The following KLRG1 variants were observed in gnomAD, a reference collection of about 807,000 sequenced individuals.
KLRG1 encodes killer cell lectin-like receptor subfamily G member 1.
In KLRG1, 16 loss-of-function variants were observed where a neutral mutation model predicts 21.8. The ratio of observed to expected loss-of-function variants is 0.73; its 90% CI spans 0.50 to 1.11. The LOEUF (loss-of-function observed/expected upper bound fraction) is 1.11, where lower values mean the gene tolerates loss of function less well. KLRG1 is among the 50% of genes most tolerant of loss of function. KLRG1 has a pLI of 0.00. For synonymous variants in KLRG1, 69 were observed against 75.9 expected (o/e 0.91, Z 0.47); for missense variants, 173 against 218.3 (o/e 0.79, Z 1.31).
At chr12:8,952,127 T>A (rs1042576872) in intron 1 of KLRG1, among the ~76,000 whole-genome samples, 7 of 152,222 alleles carry the variant, frequency 4.6e-5, no homozygotes, top group African/African-American at 1.7e-4. Context: ...CTTAGCCTCA[T>A]TATTAACAAG....
At chr12:9,047,754 T>C in the KLRG1 span, among the ~76,000 whole-genome samples, 1 of 152,142 alleles carries the variant, frequency 6.6e-6, no homozygotes, top group South Asian at 2.1e-4. Flanking sequence ...CTGAAGTAGC[T>C]ATATTAATTT....
At chr12:9,050,033 C>T in the KLRG1 span, among the ~76,000 whole-genome samples, 2 of 152,000 alleles carry the variant, frequency 1.3e-5, no homozygotes. Flanking sequence ...CACCTAGTGT[C>T]AATTATTGAT....
chr12:8,958,528 T>A lies in KLRG1; in HGVS notation c.-156+8292T>A, dbSNP rs112909918. On this transcript the variant is annotated intron_variant, in intron 1 of 4. Transcript: ENST00000539240. ...ATTCTAGGTCCTTTGCATTTCCATA[T>A]ACACTTTAAAAGCAACCTGTCAATT... 4.9e-3 allele frequency among the ~76,000 whole-genome samples: 751 copies of A among 152,306 alleles called. 11 individuals are homozygous for A. Among genetic ancestry groups the A allele is most frequent in the African/African-American group, 0.017 (688 of 41,566 alleles).
At chr12:9,150,618 G>A in the KLRG1 span, 2 of 1,467,724 alleles carry the variant, frequency 1.4e-6, no homozygotes, top group Admixed American at 1.8e-5. Flanking sequence ...CTCTGGTTAA[G>A]ATTGTTTCAT....
At chr12:9,009,348 A>G in intron 4 of KLRG1, 78 bp from the exon 5 acceptor site, 1 of 1,556,122 alleles carries the variant, frequency 6.4e-7, no homozygotes, top group Non-Finnish European at 8.7e-7. Flanking sequence ...AATTTGCTTC[A>G]TTTTTATCCC....
chr12:9,116,692 A>C, the KLRG1 span, among the ~76,000 whole-genome samples: 1 of 152,184 alleles, frequency 6.6e-6, no homozygotes, highest in African/African-American at 2.4e-5. Context: ...TTATTCATCC[A>C]TCTATTCATG....
At chr12:9,162,693 G>C in the KLRG1 span, 1 of 1,443,956 alleles carries the variant, frequency 6.9e-7, no homozygotes, top group African/African-American at 1.4e-5. Flanking sequence ...AAACATCCTG[G>C]TGACAAGAGA....
chr12:9,184,726 T>C, the KLRG1 span, among the ~76,000 whole-genome samples: 258 of 152,272 alleles, frequency 1.7e-3, 1 homozygote, highest in African/African-American at 6.0e-3. Context: ...GTTCTTAACC[T>C]CAAGGAGCCA....
At chr12:9,035,422 G>A in the KLRG1 span, among the ~76,000 whole-genome samples, 25 of 151,910 alleles carry the variant, frequency 1.6e-4, no homozygotes, top group South Asian at 4.2e-4. Flanking sequence ...ACAGGGAGGG[G>A]AACATCACAC....
the KLRG1 span, chr12:9,068,319 G>C: frequency 3.9e-6 from 5 of 1,275,068 alleles, no homozygotes; most frequent in Non-Finnish European, 5.5e-6. Flanking sequence ...GAAGGAGTTT[G>C]TTGTGGGAAG....
At chr12:9,157,074 T>A in the KLRG1 span, 1 of 1,139,054 alleles carries the variant, frequency 8.8e-7, no homozygotes, top group Non-Finnish European at 1.2e-6. Flanking sequence ...ATCCTGATGC[T>A]CTCCCTCTCC....
chr12:9,148,888 A>G, the KLRG1 span: 7 of 1,257,228 alleles, frequency 5.6e-6, no homozygotes, highest in Non-Finnish European at 8.0e-6. Context: ...TTTAGTGTCT[A>G]TTTTATAGAG....
chr12:9,181,618 A>G, the KLRG1 span, among the ~76,000 whole-genome samples: 1 of 152,234 alleles, frequency 6.6e-6, no homozygotes, highest in Non-Finnish European at 1.5e-5. Flanking sequence ...ATACCTTGTT[A>G]GATTTTTAGA....
At chr12:9,056,425 G>GTTCTT in the KLRG1 span, among the ~76,000 whole-genome samples, 1 of 152,172 alleles carries the variant, frequency 6.6e-6, no homozygotes, top group Non-Finnish European at 1.5e-5. Flanking sequence ...TGTTCTTTCA[G>GTTCTT]TTCTTGTTCC....
the KLRG1 span, among the ~76,000 whole-genome samples, chr12:9,019,739 A>G: frequency 1.3e-5 from 2 of 152,058 alleles, no homozygotes; most frequent in African/African-American, 4.8e-5. Flanking sequence ...GAAATTTCTG[A>G]TTTCTTCCTT....
chr12:9,201,036 G>C, the KLRG1 span: 2 of 1,614,028 alleles, frequency 1.2e-6, no homozygotes, highest in Non-Finnish European at 1.7e-6. Flanking sequence ...CTCTGCCATT[G>C]TGCAATTCGA....
chr12:8,952,619 C>A (rs1946223836), intron 1 of KLRG1, among the ~76,000 whole-genome samples: 1 of 152,174 alleles, frequency 6.6e-6, no homozygotes, highest in Admixed American at 6.5e-5. Flanking sequence ...AACTCTGGTA[C>A]ACATTTTACC....
chr12:9,192,157 AG>A, the KLRG1 span: 1 of 1,564,416 alleles, frequency 6.4e-7, no homozygotes, highest in East Asian at 2.2e-5. Flanking sequence ...AGGATGTGTT[AG>A]GGGAGCAAGG....
At chr12:8,956,953 A>G (rs1301372021) in intron 1 of KLRG1, among the ~76,000 whole-genome samples, 1 of 152,142 alleles carries the variant, frequency 6.6e-6, no homozygotes, top group Non-Finnish European at 1.5e-5. Flanking sequence ...GATCTGGGCC[A>G]GTACCGCTAG....
Sources: allele counts gnomAD v4.1 joint callset (sites outside exome capture counted in the v4.1 genomes callset), GRCh38; gene constraint gnomAD v4.1.1; transcripts MANE v1.5; gene names NCBI Gene and HGNC (gene_info 2026-07-23, HGNC 2026-07-21).